Variants in PTPRD observed in about 807,000 individuals in gnomAD.
PTPRD encodes protein tyrosine phosphatase receptor type D.
PTPRD carries 34 observed loss-of-function variants against 214.5 expected under a neutral mutation model. The ratio of observed to expected loss-of-function variants is 0.16; its 90% CI spans 0.12 to 0.21. PTPRD has a LOEUF of 0.21. Among genes scored for constraint, PTPRD ranks in the 10% least tolerant of loss-of-function variants. PTPRD has a pLI of 1.00. For missense variants in PTPRD, 2,545 were observed against 2,398.7 expected, an observed-to-expected ratio of 1.06 and a Z score of -1.27; for synonymous variants, 1,128 against 845.7, an observed-to-expected ratio of 1.33 and a Z score of -5.79.
In PTPRD at chr9:9,576,500, AG is replaced by A. The variant is rs1592013068; in HGVS notation, c.-286-1720del. Among the ~76,000 whole-genome samples, 2 of 150,402 alleles carry A rather than the reference AG, an allele frequency of 1.3e-5. 1 individual carries two copies. The highest frequency in any genetic ancestry group is 3.9e-4 in the East Asian group (2 of 5,160). On this transcript the variant is annotated intron_variant, in intron 7 of 45. Transcript: ENST00000381196. ...TCTATTCCTTATTGACATTTGTGAA[AG>A]GAGAATCCTCTCAAAAAAATCTAGT...
At chr9:9,226,067 T>C (rs2099959268) in intron 9 of PTPRD, among the ~76,000 whole-genome samples, 2 of 152,010 alleles carry the variant, frequency 1.3e-5, no homozygotes, top group African/African-American at 4.8e-5. Context: ...GGGTCAAATT[T>C]ATCAGTATCT....
At chr9:10,490,668 C>A (rs183208105) in intron 2 of PTPRD, among the ~76,000 whole-genome samples, 122 of 152,188 alleles carry the variant, frequency 8.0e-4, no homozygotes, top group Non-Finnish European at 1.3e-3. Context: ...ATGTAAGTTA[C>A]AGTTTTCCTC....
intron 27 of PTPRD, among the ~76,000 whole-genome samples, chr9:8,489,043 T>C (rs925539171): frequency 1.1e-4 from 16 of 152,220 alleles, no homozygotes; most frequent in African/African-American, 3.9e-4. Flanking sequence ...AAAATAATTT[T>C]TTGATCTAAA....
chr9:9,092,522 C>G (rs1211707571), intron 10 of PTPRD, among the ~76,000 whole-genome samples: 1 of 151,920 alleles, frequency 6.6e-6, no homozygotes, highest in Non-Finnish European at 1.5e-5. Flanking sequence ...ATGTGATTTA[C>G]AAATTAAGTG....
At chr9:9,229,125 G>C (rs1422533460) in intron 9 of PTPRD, among the ~76,000 whole-genome samples, 1 of 152,008 alleles carries the variant, frequency 6.6e-6, no homozygotes, top group East Asian at 1.9e-4. Flanking sequence ...TTTTCCAGTA[G>C]AATGATATCA....
chr9:9,302,504 C>A (rs1339962330), intron 9 of PTPRD, among the ~76,000 whole-genome samples: 1 of 151,414 alleles, frequency 6.6e-6, no homozygotes, highest in Non-Finnish European at 1.5e-5. Flanking sequence ...TAACTTGATT[C>A]CTGCTTATAT....
rs940808581 is a variant in PTPRD at position 8,826,809 on chromosome 9, T to C, written c.-103-92863A>G. Among the ~76,000 whole-genome samples the C allele has an allele frequency of 4.2e-4, 64 of 152,036 alleles. 1 individual carries two copies. Among genetic ancestry groups the C allele is most frequent in the Non-Finnish European group, 1.8e-4 (12 of 68,010 alleles). Reference sequence around the variant, plus strand: ...CAAACAGAAGAAATTCTACAAATATTAAAATTTAGAGCCTTGCGTGGTCTG... The same window carrying C: ...CAAACAGAAGAAATTCTACAAATATCAAAATTTAGAGCCTTGCGTGGTCTG... On this transcript the variant is annotated intron_variant, in intron 11 of 45. Transcript: ENST00000381196.
At chr9:8,473,610 T>C (rs1215117631) in intron 30 of PTPRD, among the ~76,000 whole-genome samples, 2 of 152,184 alleles carry the variant, frequency 1.3e-5, no homozygotes, top group Non-Finnish European at 2.9e-5. Context: ...CAGAATCTTG[T>C]AAATCAAGGT....
intron 13 of PTPRD, 56 bp downstream of exon 13, chr9:8,636,643 C>A (rs1046208091): frequency 8.4e-5 from 133 of 1,592,128 alleles, no homozygotes; most frequent in Non-Finnish European, 1.1e-4. Flanking sequence ...ACGTAGAAAC[C>A]AAAGACAGAG....
rs72704605 is a variant in PTPRD, at chr9:9,433,298, T to G, written c.-236-35816A>C. Among the ~76,000 whole-genome samples, 24 of 152,180 alleles carry G rather than the reference T, an allele frequency of 1.6e-4. No homozygotes were observed. In the South Asian group the frequency reaches 4.2e-3, roughly 26 times the overall value. On this transcript the variant is annotated intron_variant, in intron 8 of 45. Coordinates refer to ENST00000381196, the MANE Select transcript of PTPRD (RefSeq NM_002839.4). The stretch of plus-strand genomic sequence containing the variant: ...TATTGAAGTGTTGATCTGGGATCAG[T>G]AGGAAGTCATCCTTTTCAGACTGAA...
intron 3 of PTPRD, among the ~76,000 whole-genome samples, chr9:10,275,424 T>C (rs958008529): frequency 3.3e-5 from 5 of 151,924 alleles, no homozygotes; most frequent in Non-Finnish European, 7.4e-5. Flanking sequence ...TTGAGAGGGA[T>C]GAGAGAGAGA....
At chr9:10,131,092 T>G (rs1257965732) in intron 3 of PTPRD, among the ~76,000 whole-genome samples, 2 of 152,158 alleles carry the variant, frequency 1.3e-5, no homozygotes, top group African/African-American at 4.8e-5. Flanking sequence ...GAGGCTGGGC[T>G]GCAGAGGAGG....
intron 5 of PTPRD, among the ~76,000 whole-genome samples, chr9:9,876,150 G>C (rs1238975460): frequency 2.0e-5 from 3 of 152,006 alleles, no homozygotes; most frequent in Non-Finnish European, 4.4e-5. Context: ...TATGATTATG[G>C]GTACCTGAGT....
At chr9:9,506,803 T>C (rs555592987) in intron 8 of PTPRD, among the ~76,000 whole-genome samples, 61 of 151,446 alleles carry the variant, frequency 4.0e-4, no homozygotes, top group Middle Eastern at 6.8e-3. Context: ...AAGGTATTTC[T>C]TAGTTGAGTC....
intron 2 of PTPRD, among the ~76,000 whole-genome samples, chr9:10,584,242 G>C (rs527382130): frequency 6.6e-6 from 1 of 151,714 alleles, no homozygotes; most frequent in African/African-American, 2.4e-5. Flanking sequence ...CTTGGTCAAT[G>C]CATGAAAAAG....
At chr9:9,081,158 T>C (rs1051483811) in intron 10 of PTPRD, among the ~76,000 whole-genome samples, 1 of 152,158 alleles carries the variant, frequency 6.6e-6, no homozygotes, top group Non-Finnish European at 1.5e-5. Context: ...CTCTAAACAC[T>C]GCTTTAGCTG....
intron 8 of PTPRD, among the ~76,000 whole-genome samples, chr9:9,555,804 A>G (rs905658637): frequency 2.0e-5 from 3 of 152,188 alleles, no homozygotes; most frequent in African/African-American, 4.8e-5. Context: ...TAAATGCCTT[A>G]TAAGAGATTA....
intron 12 of PTPRD, among the ~76,000 whole-genome samples, chr9:8,728,967 G>T (rs2098622817): frequency 6.6e-6 from 1 of 152,146 alleles, no homozygotes; most frequent in African/African-American, 2.4e-5. Flanking sequence ...GCAACAGAGT[G>T]AGACTGTCTC....
At chr9:8,984,084 A>G (rs941606239) in intron 11 of PTPRD, among the ~76,000 whole-genome samples, 1 of 152,112 alleles carries the variant, frequency 6.6e-6, no homozygotes, top group African/African-American at 2.4e-5. Flanking sequence ...ACATCATTTA[A>G]AAACTACATG....
Sources: allele counts gnomAD v4.1 joint callset (sites outside exome capture counted in the v4.1 genomes callset), GRCh38; gene constraint gnomAD v4.1.1; transcripts MANE v1.5; gene names NCBI Gene and HGNC (gene_info 2026-07-23, HGNC 2026-07-21).